TRMT9B: variants seen among roughly 807,000 people sequenced by gnomAD.
TRMT9B encodes tRNA methyltransferase 9B (putative), also known as probable tRNA methyltransferase 9B.
In TRMT9B, 16 loss-of-function variants were observed where a neutral mutation model predicts 11.5. The observed-to-expected ratio is 1.39, with a 90% confidence interval of 0.94 to 2.11. The LOEUF is 2.11. Ranked by LOEUF, TRMT9B falls within the 30% of genes most tolerant of loss-of-function variation. The pLI is 0.00. For missense variants in TRMT9B, 941 were observed against 553.8 expected, an observed-to-expected ratio of 1.70 and a Z score of -7.02; for synonymous variants, 274 against 192.4, an observed-to-expected ratio of 1.42 and a Z score of -3.51.
At chr8:12,997,072 G>C (rs2128882657) in intron 2 of TRMT9B, among the ~76,000 whole-genome samples, 1 of 151,628 alleles carries the variant, frequency 6.6e-6, no homozygotes, top group African/African-American at 2.4e-5. Flanking sequence ...GAATCCAACA[G>C]TGTGTATTCT....
chr8:13,010,809 C>A lies in TRMT9B; in HGVS notation c.155-1875C>A, dbSNP rs1811445466. The A allele has an allele frequency of 5.1e-6, 5 of 982,802 alleles. No homozygotes were observed. The African/African-American group carries it at 8.8e-5, about 17-fold the overall frequency. The allele number at this position is 982,802 out of a possible 1,614,324, so 60.9% of individuals were successfully genotyped here. A position where few individuals can be genotyped will look rare whatever the true frequency, so the allele number is the denominator to read the frequency against. On this transcript the variant is annotated intron_variant, in intron 3 of 4. Transcript: ENST00000524591. The stretch of plus-strand genomic sequence containing the variant: ...TAGGACCATCGTCTTTTGAAATACA[C>A]AGGATTTTAATTTTAAAATACTTTG...
intron 2 of TRMT9B, among the ~76,000 whole-genome samples, chr8:13,001,723 A>C (rs1809488328): frequency 6.9e-6 from 1 of 145,670 alleles, no homozygotes; most frequent in South Asian, 2.1e-4. Context: ...CTTTTCTCCA[A>C]GATTTTTCAA....
intron 1 of TRMT9B, among the ~76,000 whole-genome samples, chr8:12,982,247 AG>A (rs1456654261): frequency 6.6e-6 from 1 of 152,142 alleles, no homozygotes; most frequent in Non-Finnish European, 1.5e-5. Flanking sequence ...CAGAGGTGAT[AG>A]GGAAGGGGCA....
At chr8:13,020,296 AAC>A (rs1261141009) in intron 4 of TRMT9B, among the ~76,000 whole-genome samples, 1 of 152,228 alleles carries the variant, frequency 6.6e-6, no homozygotes, top group Non-Finnish European at 1.5e-5. Context: ...CTCAAAAACT[AAC>A]AGACTAGCAC....
chr8:12,973,132 G>A (rs981260423), intron 1 of TRMT9B, among the ~76,000 whole-genome samples: 3 of 152,154 alleles, frequency 2.0e-5, no homozygotes, highest in East Asian at 1.9e-4. Flanking sequence ...AATGTCTTCC[G>A]GGTTTATCCG....
intron 2 of TRMT9B, among the ~76,000 whole-genome samples, chr8:12,999,858 G>A (rs1435863013): frequency 3.3e-5 from 5 of 152,092 alleles, no homozygotes; most frequent in Non-Finnish European, 7.4e-5. Context: ...AAAAAAGTAG[G>A]ATGCAAAACT....
At chr8:13,018,009 T>A (rs1032879922) in intron 4 of TRMT9B, among the ~76,000 whole-genome samples, 1 of 150,856 alleles carries the variant, frequency 6.6e-6, no homozygotes, top group Admixed American at 6.6e-5. Flanking sequence ...TATGAACGAC[T>A]GATATTCCTG....
At chr8:13,015,662 T>C (rs908436409) in intron 4 of TRMT9B, among the ~76,000 whole-genome samples, 1 of 152,154 alleles carries the variant, frequency 6.6e-6, no homozygotes, top group Non-Finnish European at 1.5e-5. Flanking sequence ...GCTAAATTCC[T>C]TGTAGTCTGC....
chr8:13,011,388 G>A (rs955240513), intron 3 of TRMT9B: 35 of 985,206 alleles, frequency 3.6e-5, no homozygotes, highest in Non-Finnish European at 4.1e-5. Context: ...TGCCTAGTAA[G>A]GAGGGGTTAT....
At chr8:12,975,628 C>T (rs913299668) in intron 1 of TRMT9B, among the ~76,000 whole-genome samples, 1 of 152,136 alleles carries the variant, frequency 6.6e-6, no homozygotes, top group Non-Finnish European at 1.5e-5. Context: ...ATCCCAGCTA[C>T]TTTGGAAGCT....
chr8:13,009,604 G>A (rs1413661818), intron 3 of TRMT9B, among the ~76,000 whole-genome samples: 1 of 152,084 alleles, frequency 6.6e-6, no homozygotes, highest in African/African-American at 2.4e-5. Flanking sequence ...GTGCCTGTGA[G>A]AGTGTGATGG....
intron 1 of TRMT9B, among the ~76,000 whole-genome samples, chr8:12,985,359 C>G (rs937765722): frequency 1.3e-5 from 2 of 152,148 alleles, no homozygotes; most frequent in Admixed American, 1.3e-4. Flanking sequence ...TGTAATCTCT[C>G]TGGTGTATCA....
At chr8:13,018,408 A>AAG (rs1289483601) in intron 4 of TRMT9B, among the ~76,000 whole-genome samples, 5 of 143,880 alleles carry the variant, frequency 3.5e-5, no homozygotes, top group African/African-American at 2.6e-5. Flanking sequence ...AAAAAAAAAA[A>AAG]ACGACAACAA....
In TRMT9B at chr8:13,027,943, T is replaced by C. The variant is rs559776227; in HGVS notation, c.*5899T>C. On this transcript the variant is annotated 3_prime_UTR_variant, in exon 5 of 5. Transcript: ENST00000524591. ...AACTCCATATCTGCAACCTCAGTTA[T>C]CTACAACACTGAGGTGCAAACATTT... The C allele has an allele frequency of 8.4e-5, 14 of 167,180 alleles. No homozygotes were observed. Among genetic ancestry groups the C allele is most frequent in the South Asian group, 4.1e-4 (2 of 4,828 alleles). 10.4% of individuals were successfully genotyped at this position (167,180 alleles called of 1,614,324 possible).
At position 13,012,875 on chromosome 8, in the gene TRMT9B, C is replaced by T; in HGVS notation, c.328+18C>T. Reference sequence around the variant, plus strand: ...CATAGGAGGTAAGGCAGCCAGATCACACATTCACCCTTTGCCATGAGAATA... The same window carrying T: ...CATAGGAGGTAAGGCAGCCAGATCATACATTCACCCTTTGCCATGAGAATA... On this transcript the variant is annotated intron_variant, in intron 4 of 4. Coordinates refer to ENST00000524591, the MANE Select transcript of TRMT9B (RefSeq NM_020844.3). 6.2e-7 allele frequency: 1 copy of T among 1,611,254 alleles called. No homozygotes were observed. Among genetic ancestry groups the T allele is most frequent in the African/African-American group, 1.3e-5 (1 of 75,006 alleles).
chr8:12,996,019 A>G (rs1028666104), intron 2 of TRMT9B, among the ~76,000 whole-genome samples: 1 of 152,196 alleles, frequency 6.6e-6, no homozygotes. Context: ...TAACCATGAA[A>G]CAGCAAGATA....
chr8:12,953,745 G>A (rs183205657), intron 1 of TRMT9B, among the ~76,000 whole-genome samples: 85 of 152,310 alleles, frequency 5.6e-4, no homozygotes, highest in African/African-American at 1.9e-3. Flanking sequence ...GTGCCTTAGA[G>A]TTGCTCATAG....
rs140970693 is a variant in TRMT9B, at chr8:12,978,090, C to T, written c.-199-12744C>T. On this transcript the variant is annotated intron_variant, in intron 1 of 4. Transcript: ENST00000524591. ...GGGAAAAGGAGTCAGGCTGAAAGGA[C>T]CAGGGGAAAGCGAAGAGAGAAAGCA... 2.1e-4 allele frequency among the ~76,000 whole-genome samples: 32 copies of T among 152,158 alleles called. No individual in the cohort carries two copies. In the East Asian group the frequency reaches 6.2e-3, roughly 29 times the overall value.
At chr8:12,979,076 G>T (rs760335721) in intron 1 of TRMT9B, among the ~76,000 whole-genome samples, 2 of 152,294 alleles carry the variant, frequency 1.3e-5, no homozygotes, top group South Asian at 2.1e-4. Flanking sequence ...GGGAGGGAAC[G>T]TGGTGGTGTG....
Sources: gnomAD v4.1 joint callset for allele counts (sites outside exome capture counted in the v4.1 genomes callset) on GRCh38, gnomAD v4.1.1 for gene constraint, MANE v1.5 for transcripts, NCBI Gene and HGNC (gene_info 2026-07-23, HGNC 2026-07-21) for gene names.